SCARA3: variants seen among roughly 807,000 people sequenced by gnomAD.
The protein encoded by SCARA3 is cellular stress response gene protein.
Under a neutral mutation model 47.0 loss-of-function variants are expected in SCARA3, and 39 were observed. That is an observed-to-expected ratio of 0.83 (90% CI 0.64 to 1.08). SCARA3 has a LOEUF of 1.08. Among genes scored for constraint, SCARA3 ranks in the 50% least tolerant of loss-of-function variants. The probability of loss-of-function intolerance (pLI) is 0.00; values close to 1 mark genes in which losing one functional copy is unlikely to be tolerated. For missense variants in SCARA3, 724 were observed against 792.3 expected (o/e 0.91, Z 1.04); for synonymous variants, 356 against 334.1 (o/e 1.07, Z -0.71).
intron 1 of SCARA3, among the ~76,000 whole-genome samples, chr8:27,639,605 T>C (rs182251816): frequency 6.6e-6 from 1 of 152,222 alleles, no homozygotes; most frequent in Admixed American, 6.5e-5. Context: ...CGCGGTTGTG[T>C]CTGGTTGACA....
the SCARA3 span, among the ~76,000 whole-genome samples, chr8:27,721,670 A>G: frequency 6.6e-6 from 1 of 152,174 alleles, no homozygotes; most frequent in Non-Finnish European, 1.5e-5. Flanking sequence ...AGGACCCTGG[A>G]ACTCACCCTT....
intron 3 of SCARA3, among the ~76,000 whole-genome samples, chr8:27,652,247 G>A (rs995739969): frequency 1.3e-5 from 2 of 152,244 alleles, no homozygotes; most frequent in Admixed American, 6.5e-5. Flanking sequence ...ATTAGGGTTT[G>A]TAGTAGTTGA....
the SCARA3 span, among the ~76,000 whole-genome samples, chr8:27,711,185 G>A: frequency 1.3e-5 from 2 of 152,132 alleles, no homozygotes; most frequent in Admixed American, 1.3e-4. Context: ...GCCTCCCAAG[G>A]TGCTGGGATT....
chr8:27,709,526 C>A, the SCARA3 span, among the ~76,000 whole-genome samples: 1 of 152,212 alleles, frequency 6.6e-6, no homozygotes, highest in African/African-American at 2.4e-5. Context: ...AGACCCAGCA[C>A]TGAGGCAGGG....
At chr8:27,704,840 C>T in the SCARA3 span, among the ~76,000 whole-genome samples, 2 of 152,128 alleles carry the variant, frequency 1.3e-5, no homozygotes, top group South Asian at 2.1e-4. Context: ...GAGTGTTCTA[C>T]GTGTCCTCTC....
In SCARA3 at chr8:27,671,015, G is replaced by T; in HGVS notation, c.1485G>T (p.Gln495His). Residue 495 changes from glutamine to histidine, a missense_variant, in exon 6 of 6, where the codon CAG (glutamine) becomes CAT (histidine). Coordinates refer to ENST00000301904, the MANE Select transcript of SCARA3 (RefSeq NM_016240.3). The stretch of plus-strand genomic sequence containing the variant: ...GCAGCTTGGGCCCCCTGGGACCCCA[G>T]GGTCCTCAGGGGCAACCTGGAGAGG... ...DPGSLGPLGP[Q>H]GPQGQPGEAG... 1 of 1,611,204 alleles carries T rather than the reference G, an allele frequency of 6.2e-7. No individual in the cohort carries two copies. The highest frequency in any genetic ancestry group is 1.1e-5 in the South Asian group (1 of 90,820).
At chr8:27,675,608 G>A (rs1802263276), downstream of SCARA3, among the ~76,000 whole-genome samples, 1 of 152,146 alleles carries the variant, frequency 6.6e-6, no homozygotes, top group African/African-American at 2.4e-5. Flanking sequence ...TGGCCAATAT[G>A]GTGAAACCCC....
rs148425505 is a variant in SCARA3, at chr8:27,640,427, C to T, written c.7+6220C>T. Among the ~76,000 whole-genome samples the T allele has an allele frequency of 3.0e-4, 46 of 152,064 alleles. No individual in the cohort carries two copies. The East Asian group carries it at 8.9e-3, about 29-fold the overall frequency. On this transcript the variant is annotated intron_variant, in intron 1 of 5. Transcript: ENST00000301904. ...TTTGAGACATAGTCTCACTCTGTGC[C>T]CAGGCTGGAGTGCAGTGGTACCATT...
chr8:27,648,675 C>T lies in SCARA3; in HGVS notation c.8-1027C>T, dbSNP rs1021820247. Among the ~76,000 whole-genome samples the T allele has an allele frequency of 1.8e-4, 28 of 151,934 alleles. 1 individual carries two copies. The highest frequency in any genetic ancestry group is 6.6e-4 in the Admixed American group (10 of 15,246). ...TAGCATTACCAGCTTAAAATATTCT[C>T]GGGCTATAAAATGTAGACATTAAAT... is the stretch of plus-strand genomic sequence containing the variant. On this transcript the variant is annotated intron_variant, in intron 1 of 5. Coordinates refer to ENST00000301904, the MANE Select transcript of SCARA3 (RefSeq NM_016240.3).
chr8:27,688,250 C>T, the SCARA3 span, among the ~76,000 whole-genome samples: 1 of 152,088 alleles, frequency 6.6e-6, no homozygotes, highest in Non-Finnish European at 1.5e-5. Flanking sequence ...ATGGTTTGTA[C>T]TCTACAATTA....
the SCARA3 span, among the ~76,000 whole-genome samples, chr8:27,686,625 C>T: frequency 6.6e-6 from 1 of 152,196 alleles, no homozygotes; most frequent in Non-Finnish European, 1.5e-5. Flanking sequence ...TCCCTGGCTT[C>T]TGCATGTACC....
chr8:27,697,126 A>T, the SCARA3 span: 1 of 171,668 alleles, frequency 5.8e-6, no homozygotes, highest in Admixed American at 5.9e-5. Flanking sequence ...TTCATAGTAG[A>T]CACTCAGTGT....
chr8:27,708,275 A>G, the SCARA3 span, among the ~76,000 whole-genome samples: 1 of 152,200 alleles, frequency 6.6e-6, no homozygotes, highest in Non-Finnish European at 1.5e-5. Flanking sequence ...AGTATAGAAC[A>G]TTATGCAGGT....
chr8:27,724,650 T>C, the SCARA3 span, among the ~76,000 whole-genome samples: 1 of 151,826 alleles, frequency 6.6e-6, no homozygotes, highest in Non-Finnish European at 1.5e-5. Context: ...AGGGCAAGAC[T>C]CCTTCTCAAA....
At chr8:27,688,421 T>C in the SCARA3 span, among the ~76,000 whole-genome samples, 1 of 147,980 alleles carries the variant, frequency 6.8e-6, no homozygotes, top group East Asian at 2.0e-4. Context: ...ACCAGCCAGG[T>C]GCAGTGATTC....
the SCARA3 span, among the ~76,000 whole-genome samples, chr8:27,715,534 A>G: frequency 6.6e-6 from 1 of 151,686 alleles, no homozygotes; most frequent in Non-Finnish European, 1.5e-5. The surrounding 1 kb of genome is among the most constrained non-coding windows in gnomAD (Gnocchi z 4.2). Flanking sequence ...TACCTTACTC[A>G]GGCTCTGACA....
At chr8:27,661,309 C>T (rs1801908695) in intron 5 of SCARA3, among the ~76,000 whole-genome samples, 1 of 152,150 alleles carries the variant, frequency 6.6e-6, no homozygotes, top group Non-Finnish European at 1.5e-5. Flanking sequence ...CATAATTCCA[C>T]CTAATGTGAT....
intron 3 of SCARA3, among the ~76,000 whole-genome samples, chr8:27,652,119 A>G (rs1262518918): frequency 6.6e-6 from 1 of 152,184 alleles, no homozygotes; most frequent in Non-Finnish European, 1.5e-5. Context: ...TTTCACCTCC[A>G]GTATTTGTTA....
At chr8:27,665,189 G>A (rs191630879) in intron 5 of SCARA3, among the ~76,000 whole-genome samples, 1 of 152,222 alleles carries the variant, frequency 6.6e-6, no homozygotes, top group Non-Finnish European at 1.5e-5. Context: ...AAGAAGCCTG[G>A]CTTCTGATGT....
Sources: allele counts gnomAD v4.1 joint callset (sites outside exome capture counted in the v4.1 genomes callset), GRCh38; gene constraint gnomAD v4.1.1; non-coding constraint Gnocchi (gnomAD v3.1); transcripts MANE v1.5; gene names NCBI Gene and HGNC (gene_info 2026-07-23, HGNC 2026-07-21).